The following AIDA variants were observed in gnomAD, a reference collection of about 807,000 sequenced individuals.
The protein encoded by AIDA is axin interactor, dorsalization associated.
AIDA carries 18 observed loss-of-function variants against 42.7 expected under a neutral mutation model. That is an observed-to-expected ratio of 0.42 (90% CI 0.29 to 0.63). AIDA has a LOEUF of 0.63. Ranked by LOEUF, AIDA falls within the 20% of genes least tolerant of loss-of-function variation. The pLI, the probability that AIDA is intolerant of heterozygous loss-of-function variation, is 0.19. For missense variants in AIDA, 250 were observed against 354.1 expected (o/e 0.71, Z 2.36); for synonymous variants, 104 against 122.9 (o/e 0.85, Z 1.02).
intron 1 of AIDA, chr1:222,711,948 G>A: frequency 2.2e-6 from 1 of 455,232 alleles, no homozygotes; most frequent in Non-Finnish European, 3.9e-6. Flanking sequence ...CTGCGCCCCA[G>A]GAAAGAAGGG....
Position 222,669,768 on chromosome 1 carries a change from T to G in AIDA, c.*125A>C, listed in dbSNP as rs916508073. The G allele has an allele frequency of 4.8e-5, 44 of 920,742 alleles. No homozygotes were observed. Among genetic ancestry groups the G allele is most frequent in the Non-Finnish European group, 6.9e-5 (42 of 612,914 alleles). 57.0% of individuals were successfully genotyped at this position (920,742 alleles called of 1,614,324 possible). A position where few individuals can be genotyped will look rare whatever the true frequency, so the allele number is the denominator to read the frequency against. ...TGGTACAGCTTTGCATTGGACTCCGTCCGGCCTACTGGTCTGGGTACGGCT... is the reference window on the plus strand; with the variant it reads ...TGGTACAGCTTTGCATTGGACTCCGGCCGGCCTACTGGTCTGGGTACGGCT... On this transcript the variant is annotated 3_prime_UTR_variant, in exon 10 of 10. Coordinates refer to ENST00000340020, the MANE Select transcript of AIDA (RefSeq NM_022831.4).
Position 222,670,009 on chromosome 1 carries a change from A to C in AIDA, c.825-20T>G. On this transcript the variant is annotated intron_variant, in intron 9 of 9. Coordinates refer to ENST00000340020, the MANE Select transcript of AIDA (RefSeq NM_022831.4). Reference sequence around the variant, plus strand: ...TTGTATCTGTAATCACAACAGAAAGACCATTGTTTAAAATACATTGATAAC... The same window carrying C: ...TTGTATCTGTAATCACAACAGAAAGCCCATTGTTTAAAATACATTGATAAC... 1.2e-6 allele frequency: 2 copies of C among 1,613,928 alleles called. No individual in the cohort carries two copies. Among genetic ancestry groups the C allele is most frequent in the Non-Finnish European group, 1.7e-6 (2 of 1,179,844 alleles).
chr1:222,696,115 A>G lies in AIDA; in HGVS notation c.181-1852T>C, dbSNP rs1179236497. 5.9e-5 allele frequency among the ~76,000 whole-genome samples: 9 copies of G among 152,244 alleles called. No individual in the cohort carries two copies. The South Asian group carries it at 1.9e-3, about 31-fold the overall frequency. On this transcript the variant is annotated intron_variant, in intron 2 of 9. Coordinates refer to ENST00000340020, the MANE Select transcript of AIDA (RefSeq NM_022831.4). Reference sequence around the variant, plus strand: ...TTTTAATCCCAACACAAGAGTTTAGAAGATGTCCAATTTTATTCTGAAAAC... The same window carrying G: ...TTTTAATCCCAACACAAGAGTTTAGGAGATGTCCAATTTTATTCTGAAAAC...
At chr1:222,707,669 A>G (rs562690184) in intron 1 of AIDA, among the ~76,000 whole-genome samples, 2 of 152,194 alleles carry the variant, frequency 1.3e-5, no homozygotes, top group Non-Finnish European at 2.9e-5. Context: ...ATCTCACCCT[A>G]CAAAGGTACC....
intron 1 of AIDA, among the ~76,000 whole-genome samples, chr1:222,708,688 G>A (rs1430902602): frequency 6.6e-6 from 1 of 152,076 alleles, no homozygotes; most frequent in Non-Finnish European, 1.5e-5. Context: ...TATTTATTGA[G>A]TATCCATGTG....
chr1:222,709,783 G>C (rs1206752096), intron 1 of AIDA, among the ~76,000 whole-genome samples: 2 of 152,176 alleles, frequency 1.3e-5, no homozygotes, highest in African/African-American at 2.4e-5. Flanking sequence ...GCAACACCCA[G>C]TTACTCTAAA....
Position 222,676,081 on chromosome 1 carries a change from A to C in AIDA, c.583+15T>G. 6.5e-7 allele frequency: 1 copy of C among 1,535,126 alleles called. No homozygotes were observed. The highest frequency in any genetic ancestry group is 8.7e-7 in the Non-Finnish European group (1 of 1,147,080). On this transcript the variant is annotated intron_variant, in intron 7 of 9. Transcript: ENST00000340020. Reference sequence around the variant, plus strand: ...AAATTCACCTGAGAAAAAAAAAGTAAACAGAGTCACTTACCCTTTACACTA... The same window carrying C: ...AAATTCACCTGAGAAAAAAAAAGTACACAGAGTCACTTACCCTTTACACTA...
At chr1:222,704,784 T>C (rs1245363364) in intron 1 of AIDA, among the ~76,000 whole-genome samples, 1 of 152,178 alleles carries the variant, frequency 6.6e-6, no homozygotes, top group Non-Finnish European at 1.5e-5. Flanking sequence ...CGCTTTAAAC[T>C]GGTAAGTTTC....
At position 222,670,198 on chromosome 1, in the gene AIDA, G is replaced by C. The variant is rs781234704; in HGVS notation, c.759C>G (p.Thr253=). The C allele has an allele frequency of 6.2e-7, 1 of 1,614,028 alleles. No individual in the cohort carries two copies. The highest frequency in any genetic ancestry group is 8.5e-7 in the Non-Finnish European group (1 of 1,179,994). ...CCATGAAAGCAAAACACTTGGTGCTGGTAAACCTTTTTTTAGGCTTGTAGT... is the reference window on the plus strand; with the variant it reads ...CCATGAAAGCAAAACACTTGGTGCTCGTAAACCTTTTTTTAGGCTTGTAGT... The part of the protein sequence containing the change: ...FKHYKPKKRF[T]STKCFAFMEM... The change falls in exon 9 of 10, where the codon ACC becomes ACG. Residue 253 remains threonine (T), a synonymous_variant. Transcript: ENST00000340020.
chr1:222,695,696 G>A (rs1655499313), intron 2 of AIDA, among the ~76,000 whole-genome samples: 1 of 152,046 alleles, frequency 6.6e-6, no homozygotes, highest in African/African-American at 2.4e-5. Flanking sequence ...GCCCATCAAG[G>A]CTTTTAAGTC....
chr1:222,676,931 A>AAC (rs1553293056), intron 6 of AIDA, among the ~76,000 whole-genome samples: 1 of 151,418 alleles, frequency 6.6e-6, no homozygotes, highest in Admixed American at 6.6e-5. Flanking sequence ...ACCACAAAAA[A>AAC]AAACAAACAA....
At position 222,677,744 on chromosome 1, in the gene AIDA, GA is replaced by G. The variant is rs561399642; in HGVS notation, c.461-1527del. Among the ~76,000 whole-genome samples the G allele has an allele frequency of 1.6e-3, 242 of 148,266 alleles. 6 individuals carry two copies. In the South Asian group the frequency reaches 0.021, roughly 13 times the overall value. Reference sequence around the variant, plus strand: ...TCTTGCTGATTTAACAATATATTCTGAAAAAAAAAATCACTCAATAGTTCAT... The same window carrying G: ...TCTTGCTGATTTAACAATATATTCTGAAAAAAAAATCACTCAATAGTTCAT... On this transcript the variant is annotated intron_variant, in intron 6 of 9. Coordinates refer to ENST00000340020, the MANE Select transcript of AIDA (RefSeq NM_022831.4).
intron 6 of AIDA, among the ~76,000 whole-genome samples, chr1:222,682,455 T>C (rs994895370): frequency 6.6e-6 from 1 of 152,238 alleles, no homozygotes; most frequent in African/African-American, 2.4e-5. Flanking sequence ...TCAGTCCTTA[T>C]GTTGCCTTGG....
intron 8 of AIDA, 66 bp downstream of exon 8, chr1:222,673,247 T>C (rs577382764): frequency 1.4e-6 from 2 of 1,454,364 alleles, no homozygotes; most frequent in Non-Finnish European, 1.9e-6. Flanking sequence ...GTCCACCATA[T>C]GTACAAACAC....
intron 7 of AIDA, 88 bp downstream of exon 7, chr1:222,676,008 C>T (rs1664536847): frequency 7.0e-6 from 10 of 1,423,738 alleles, no homozygotes; most frequent in East Asian, 5.1e-5. Flanking sequence ...TAAGACTCCC[C>T]GCCCCACCAC....
chr1:222,702,094 G>A (rs1207273749), intron 2 of AIDA, among the ~76,000 whole-genome samples: 1 of 151,974 alleles, frequency 6.6e-6, no homozygotes, highest in Non-Finnish European at 1.5e-5. Flanking sequence ...AAGTACATTA[G>A]ATAAAGTAGA....
At chr1:222,709,971 T>C (rs1366610957) in intron 1 of AIDA, among the ~76,000 whole-genome samples, 2 of 152,284 alleles carry the variant, frequency 1.3e-5, no homozygotes, top group East Asian at 3.9e-4. Context: ...AGCTCCTGTG[T>C]GTTGTATGGC....
chr1:222,675,459 A>G (rs1279803464), intron 7 of AIDA, among the ~76,000 whole-genome samples: 1 of 152,232 alleles, frequency 6.6e-6, no homozygotes, highest in Non-Finnish European at 1.5e-5. Context: ...GGATAGGAGA[A>G]AAAAACCAAA....
At chr1:222,673,216 G>A (rs1395492022) in intron 8 of AIDA, 97 bp downstream of exon 8, 2 of 1,120,524 alleles carry the variant, frequency 1.8e-6, no homozygotes, top group African/African-American at 1.6e-5. Context: ...ATTTACTTCT[G>A]CCAGATACTA....
Sources: allele counts gnomAD v4.1 joint callset (sites outside exome capture counted in the v4.1 genomes callset), GRCh38; gene constraint gnomAD v4.1.1; transcripts MANE v1.5; gene names NCBI Gene and HGNC (gene_info 2026-07-23, HGNC 2026-07-21).